ANKRD17: variants seen among roughly 807,000 people sequenced by gnomAD.
ANKRD17 encodes ankyrin repeat domain 17.
A neutral mutation model predicts 229.7 loss-of-function variants in ANKRD17; 19 were observed. The ratio of observed to expected loss-of-function variants is 0.08; its 90% CI spans 0.06 to 0.12. The LOEUF is 0.12. Among genes scored for constraint, ANKRD17 ranks in the 10% least tolerant of loss-of-function variants. The probability of loss-of-function intolerance (pLI) is 1.00; values close to 1 mark genes in which losing one functional copy is unlikely to be tolerated. For synonymous variants in ANKRD17, 1,112 were observed against 1,146.1 expected (o/e 0.97, Z 0.60); for missense variants, 2,176 against 3,176.8 (o/e 0.68, Z 7.57).
chr4:73,196,715 C>G (rs1290231523), intron 1 of ANKRD17, among the ~76,000 whole-genome samples: 1 of 152,032 alleles, frequency 6.6e-6, no homozygotes, highest in African/African-American at 2.4e-5. Context: ...TATTGAGCAC[C>G]TACAGTGTTA....
At position 73,144,838 on chromosome 4, in the gene ANKRD17, T is replaced by TAAA; in HGVS notation, c.1870-9_1870-7dup. ...CCACCTTCAGATTCATGTTCCTGTTTAAAAAAAAAAAAAAAGACTTGACAT... is the reference window on the plus strand; with the variant it reads ...CCACCTTCAGATTCATGTTCCTGTTTAAAAAAAAAAAAAAAAAAGACTTGACAT... On this transcript the variant is annotated splice_region_variant and splice_polypyrimidine_tract_variant and intron_variant, in intron 10 of 33. Transcript: ENST00000358602. The TAAA allele has an allele frequency of 2.9e-5, 39 of 1,340,960 alleles. No individual in the cohort carries two copies. Among genetic ancestry groups the TAAA allele is most frequent in the East Asian group, 7.5e-5 (3 of 40,054 alleles). The allele number at this position is 1,340,960 out of a possible 1,614,324, so 83.1% of individuals were successfully genotyped here.
intron 1 of ANKRD17, among the ~76,000 whole-genome samples, chr4:73,210,693 G>A (rs553419506): frequency 7.9e-5 from 12 of 152,070 alleles, no homozygotes; most frequent in Non-Finnish European, 1.8e-4. Context: ...TAAACAATGT[G>A]AAGGGTATAT....
At chr4:73,196,469 T>G (rs887780978) in intron 1 of ANKRD17, among the ~76,000 whole-genome samples, 9 of 152,238 alleles carry the variant, frequency 5.9e-5, no homozygotes, top group South Asian at 2.1e-4. Flanking sequence ...CCACAAATTC[T>G]GATATATTTC....
At chr4:73,095,467 T>C (rs1723190250) in intron 27 of ANKRD17, among the ~76,000 whole-genome samples, 2 of 151,670 alleles carry the variant, frequency 1.3e-5, no homozygotes, top group Admixed American at 1.3e-4. Flanking sequence ...CCGGGCATGG[T>C]GGCATGCACC....
In ANKRD17 at chr4:73,146,837, G is replaced by A; in HGVS notation, c.1796C>T (p.Thr599Ile). ...NVHATTATGD[T>I]ALTYACENGH... Reference sequence around the variant, plus strand: ...ATTTTCACAGGCATATGTTAGTGCTGTATCCCCTGTTGCTGTTGTTGCATG... The same window carrying A: ...ATTTTCACAGGCATATGTTAGTGCTATATCCCCTGTTGCTGTTGTTGCATG... Residue 599 changes from threonine (T) to isoleucine (I), a missense_variant, in exon 10 of 34, where the codon ACA becomes ATA. Transcript: ENST00000358602. The A allele has an allele frequency of 1.2e-6, 2 of 1,612,808 alleles. No individual in the cohort carries two copies. The highest frequency in any genetic ancestry group is 1.7e-6 in the Non-Finnish European group (2 of 1,179,198).
rs1171634586 is a variant in ANKRD17, at chr4:73,097,250, C to T, written c.5044G>A (p.Gly1682Arg). 1 of 1,584,728 alleles carries T rather than the reference C, an allele frequency of 6.3e-7. No homozygotes were observed. Among genetic ancestry groups the T allele is most frequent in the Admixed American group, 1.9e-5 (1 of 53,456 alleles). Residue 1682 changes from glycine (G) to arginine (R), a missense_variant, in exon 27 of 34, where the codon GGG (glycine) becomes AGG (arginine). Physicochemically the swap from Gly to Arg is moderately radical, Grantham distance 125. Around this residue, in one of 18 missense-constraint regions of ANKRD17, gnomAD observed 98 missense variants for 101.0 expected, o/e 0.97. Coordinates refer to ENST00000358602, the MANE Select transcript of ANKRD17 (RefSeq NM_032217.5). ...SIKLSETISE[G>R]TSNSLSTCTK... Reference sequence around the variant, plus strand: ...CAAGTAGATAGAGAATTACTGGTCCCTTCACTGATAGTTTCTGACAATCTT... The same window carrying T: ...CAAGTAGATAGAGAATTACTGGTCCTTTCACTGATAGTTTCTGACAATCTT...
At chr4:73,135,035 G>T in intron 16 of ANKRD17, 82 bp downstream of exon 16, 1 of 1,382,872 alleles carries the variant, frequency 7.2e-7, no homozygotes, top group Non-Finnish European at 9.9e-7. Flanking sequence ...AGTCTTTCAT[G>T]GTTTAAATCT....
At chr4:73,179,316 CT>C (rs1735129574) in intron 1 of ANKRD17, among the ~76,000 whole-genome samples, 1 of 150,142 alleles carries the variant, frequency 6.7e-6, no homozygotes. Context: ...AAATTTTGTT[CT>C]ACATTAACTT....
At position 73,073,659 on chromosome 4, in the gene ANKRD17, ATGACT is replaced by A. The variant is rs1340714295; in HGVS notation, c.*2567_*2571del. On this transcript the variant is annotated 3_prime_UTR_variant, in exon 34 of 34. Coordinates refer to ENST00000358602, the MANE Select transcript of ANKRD17 (RefSeq NM_032217.5). ...AATTAATTTTCATGTATCAATAAAA[ATGACT>A]TGACTTTTCAGTAATGGGAAATAGG... is the stretch of plus-strand genomic sequence containing the variant. 14 of 152,078 alleles carry A rather than the reference ATGACT, an allele frequency of 9.2e-5. No individual in the cohort carries two copies. Among genetic ancestry groups the A allele is most frequent in the East Asian group, 7.7e-4 (4 of 5,206 alleles). 9.4% of individuals were successfully genotyped at this position (152,078 alleles called of 1,614,324 possible).
At chr4:73,144,700 G>T in intron 11 of ANKRD17, 45 bp downstream of exon 11, 1 of 1,345,180 alleles carries the variant, frequency 7.4e-7, no homozygotes, top group Non-Finnish European at 1.0e-6. Flanking sequence ...TGAAGGCAGG[G>T]GTAGATACCT....
At chr4:73,159,234 G>A (rs564014386) in intron 3 of ANKRD17, among the ~76,000 whole-genome samples, 2 of 152,334 alleles carry the variant, frequency 1.3e-5, no homozygotes, top group African/African-American at 2.4e-5. Context: ...TTTTAAGCAT[G>A]TTTAGAACAA....
At chr4:73,118,173 C>A (rs574639156) in intron 22 of ANKRD17, among the ~76,000 whole-genome samples, 57 of 152,022 alleles carry the variant, frequency 3.7e-4, no homozygotes, top group African/African-American at 1.3e-3. Flanking sequence ...CATGTCACCA[C>A]GCTCGGCTAA....
At chr4:73,223,017 G>C in intron 1 of ANKRD17, 1 of 1,536,110 alleles carries the variant, frequency 6.5e-7, no homozygotes, top group Non-Finnish European at 8.7e-7. Flanking sequence ...TTCAGCCGCT[G>C]TCTCCACCAT....
At chr4:73,155,979 T>C in intron 4 of ANKRD17, 40 bp downstream of exon 4, 14 of 1,537,224 alleles carry the variant, frequency 9.1e-6, no homozygotes, top group Non-Finnish European at 1.2e-5. Flanking sequence ...AGCCAGTTTT[T>C]AAAAAAACAA....
chr4:73,158,152 A>AAAAGAAAAGAAAG (rs1553925352), intron 3 of ANKRD17, among the ~76,000 whole-genome samples: 1 of 128,708 alleles, frequency 7.8e-6, no homozygotes, highest in South Asian at 2.8e-4. Context: ...GAAAGGAAGA[A>AAAAGAAAAGAAAG]AAAGAAAGAA....
intron 1 of ANKRD17, among the ~76,000 whole-genome samples, chr4:73,203,682 C>T (rs927997030): frequency 2.7e-5 from 4 of 148,698 alleles, no homozygotes; most frequent in African/African-American, 7.4e-5. Context: ...TGGTGTGAAC[C>T]CAGGAGGCGG....
chr4:73,153,411 A>G (rs1458984676), intron 6 of ANKRD17, among the ~76,000 whole-genome samples: 2 of 152,204 alleles, frequency 1.3e-5, no homozygotes. Context: ...AGTCTAAAAA[A>G]TGTTCAGCTC....
At chr4:73,188,411 C>T (rs1736582847) in intron 1 of ANKRD17, among the ~76,000 whole-genome samples, 3 of 151,682 alleles carry the variant, frequency 2.0e-5, no homozygotes, top group Admixed American at 2.0e-4. Context: ...ATGGTGACTC[C>T]TCATCTCTAC....
At chr4:73,080,037 C>T (rs550291310) in intron 30 of ANKRD17, among the ~76,000 whole-genome samples, 5 of 152,190 alleles carry the variant, frequency 3.3e-5, no homozygotes, top group African/African-American at 1.2e-4. Flanking sequence ...ACCCGGGAGG[C>T]GGAGGATGCA....
Sources: allele counts gnomAD v4.1 joint callset (sites outside exome capture counted in the v4.1 genomes callset), GRCh38; gene constraint gnomAD v4.1.1; regional missense constraint gnomAD v4.1.1; transcripts MANE v1.5; gene names NCBI Gene and HGNC (gene_info 2026-07-23, HGNC 2026-07-21).